The following TPD52L1 variants were observed in gnomAD, a reference collection of about 807,000 sequenced individuals.
TPD52L1 encodes TPD52 like 1.
In TPD52L1, 18 loss-of-function variants were observed where a neutral mutation model predicts 28.7. The observed-to-expected ratio is 0.63, with a 90% CI of 0.43 to 0.93. The LOEUF (loss-of-function observed/expected upper bound fraction) is 0.93. Among genes scored for constraint, TPD52L1 ranks in the 40% least tolerant of loss-of-function variants. TPD52L1 has a pLI of 0.00. For synonymous variants in TPD52L1, 75 were observed against 88.8 expected, an observed-to-expected ratio of 0.84 and a Z score of 0.88; for missense variants, 203 against 254.8, an observed-to-expected ratio of 0.80 and a Z score of 1.39.
chr6:125,168,269 G>T (rs1791036553), intron 1 of TPD52L1, among the ~76,000 whole-genome samples: 1 of 152,146 alleles, frequency 6.6e-6, no homozygotes, highest in South Asian at 2.1e-4. Context: ...GGAAGAGAAA[G>T]AACTTGGTGC....
At chr6:125,185,858 G>T (rs1792574136) in intron 1 of TPD52L1, among the ~76,000 whole-genome samples, 1 of 150,264 alleles carries the variant, frequency 6.7e-6, no homozygotes, top group Non-Finnish European at 1.5e-5. Context: ...AATTCTAGAA[G>T]ATAGAGAATA....
At chr6:125,248,582 GCCTGGTC>G in intron 4 of TPD52L1, 199 bp downstream of exon 4, 2 of 530,506 alleles carry the variant, frequency 3.8e-6, no homozygotes. Flanking sequence ...GGCTTAGGTG[GCCTGGTC>G]CCAGAGTTGC....
chr6:125,248,940 C>T (rs536099801), intron 4 of TPD52L1, among the ~76,000 whole-genome samples: 124 of 151,938 alleles, frequency 8.2e-4, no homozygotes, highest in African/African-American at 2.8e-3. Context: ...ATTTATCTCC[C>T]AGTGCGTAGC....
intron 1 of TPD52L1, among the ~76,000 whole-genome samples, chr6:125,192,365 A>T (rs1793106559): frequency 6.6e-6 from 1 of 151,984 alleles, no homozygotes; most frequent in South Asian, 2.1e-4. Flanking sequence ...GGATCCCCGA[A>T]TGTACTTGCT....
chr6:125,180,123 A>G (rs922292422), intron 1 of TPD52L1, among the ~76,000 whole-genome samples: 2 of 152,146 alleles, frequency 1.3e-5, no homozygotes, highest in African/African-American at 4.8e-5. Flanking sequence ...TTCTCACTCT[A>G]TCACATGGGT....
At chr6:125,233,380 A>G (rs1002997093) in intron 3 of TPD52L1, among the ~76,000 whole-genome samples, 3 of 152,134 alleles carry the variant, frequency 2.0e-5, no homozygotes, top group African/African-American at 7.2e-5. Context: ...AATTCTTATT[A>G]TCTCTTTTTA....
chr6:125,178,865 G>C (rs17052805), intron 1 of TPD52L1, among the ~76,000 whole-genome samples: 7,371 of 152,160 alleles, frequency 0.048, 413 homozygotes, highest in East Asian at 0.33. Context: ...GTTGTACAAG[G>C]ACTGGAGATT....
chr6:125,162,746 A>G (rs373350772), intron 1 of TPD52L1, among the ~76,000 whole-genome samples: 1 of 152,216 alleles, frequency 6.6e-6, no homozygotes. Flanking sequence ...TAGGATTGTT[A>G]TGGGGATTTA....
chr6:125,260,931 A>T (rs1797896773), intron 6 of TPD52L1: 1 of 16,164 alleles, frequency 6.2e-5, no homozygotes, highest in African/African-American at 1.0e-3. Flanking sequence ...GAAGAAAGAA[A>T]GAAAGAAAGA....
chr6:125,168,763 A>G (rs113415267), intron 1 of TPD52L1, among the ~76,000 whole-genome samples: 1,950 of 151,974 alleles, frequency 0.013, 42 homozygotes, highest in African/African-American at 0.045. Context: ...TGATCCGCCC[A>G]CCTCGGCCTC....
chr6:125,202,782 T>TTTTTTTTTG (rs1793876811), intron 1 of TPD52L1, among the ~76,000 whole-genome samples: 1 of 149,780 alleles, frequency 6.7e-6, no homozygotes, highest in South Asian at 2.1e-4. Flanking sequence ...TTTTTTTTTT[T>TTTTTTTTTG]GAGACGGAGC....
chr6:125,216,322 C>T (rs1175381159), intron 1 of TPD52L1, among the ~76,000 whole-genome samples: 1 of 151,836 alleles, frequency 6.6e-6, no homozygotes, highest in Non-Finnish European at 1.5e-5. Context: ...AGGAAGTCAT[C>T]GTGAAGCACC....
At chr6:125,190,711 T>C (rs1214136266) in intron 1 of TPD52L1, among the ~76,000 whole-genome samples, 1 of 152,138 alleles carries the variant, frequency 6.6e-6, no homozygotes, top group Non-Finnish European at 1.5e-5. Context: ...TAGATTTTCA[T>C]AGGGAGTGAA....
intron 3 of TPD52L1, among the ~76,000 whole-genome samples, chr6:125,246,684 C>CA (rs1289427637): frequency 6.6e-6 from 1 of 151,982 alleles, no homozygotes; most frequent in Non-Finnish European, 1.5e-5. Flanking sequence ...AGAAATTAAG[C>CA]AAACTTCCTA....
intron 1 of TPD52L1, among the ~76,000 whole-genome samples, chr6:125,158,087 T>C (rs1183870811): frequency 6.6e-6 from 1 of 152,172 alleles, no homozygotes; most frequent in Non-Finnish European, 1.5e-5. Context: ...GCCTCTCTCT[T>C]ATAAGGACAC....
chr6:125,253,577 T>C, intron 4 of TPD52L1, 140 bp from the exon 5 acceptor site: 1 of 757,416 alleles, frequency 1.3e-6, no homozygotes, highest in Non-Finnish European at 2.2e-6. Flanking sequence ...AAAACAAATG[T>C]CATCTTGGTT....
At chr6:125,197,994 A>G (rs186241706) in intron 1 of TPD52L1, among the ~76,000 whole-genome samples, 36 of 152,294 alleles carry the variant, frequency 2.4e-4, no homozygotes, top group South Asian at 1.2e-3. Context: ...CAGTTAAATA[A>G]GAAGCAGCCA....
chr6:125,188,272 T>C (rs1792782998), intron 1 of TPD52L1, among the ~76,000 whole-genome samples: 1 of 152,130 alleles, frequency 6.6e-6, no homozygotes, highest in East Asian at 1.9e-4. Context: ...AAAGGCACAT[T>C]TTTATCCTTC....
At chr6:125,197,976 C>A (rs1793554111) in intron 1 of TPD52L1, among the ~76,000 whole-genome samples, 1 of 152,164 alleles carries the variant, frequency 6.6e-6, no homozygotes, top group South Asian at 2.1e-4. Context: ...TGAGTGAGTC[C>A]TTGGCTCCAG....
Sources: allele counts gnomAD v4.1 joint callset (sites outside exome capture counted in the v4.1 genomes callset), GRCh38; gene constraint gnomAD v4.1.1; transcripts MANE v1.5; gene names NCBI Gene and HGNC (gene_info 2026-07-23, HGNC 2026-07-21).